EPB41L5: variants seen among roughly 807,000 people sequenced by gnomAD.
EPB41L5 encodes band 4.1-like protein 5.
A neutral mutation model predicts 106.6 loss-of-function variants in EPB41L5; 55 were observed. That is an observed-to-expected ratio of 0.52 (90% CI 0.42 to 0.65). The LOEUF (loss-of-function observed/expected upper bound fraction) is 0.65. Ranked by LOEUF, EPB41L5 falls within the 30% of genes least tolerant of loss-of-function variation. The probability of loss-of-function intolerance (pLI) is 0.00; values close to 1 mark genes in which losing one functional copy is unlikely to be tolerated. For synonymous variants in EPB41L5, 297 were observed against 306.7 expected (o/e 0.97, Z 0.33); for missense variants, 871 against 882.1 (o/e 0.99, Z 0.16).
intron 2 of EPB41L5, 137 bp downstream of exon 2, chr2:120,019,401 C>A: frequency 1.5e-6 from 1 of 673,580 alleles, no homozygotes; most frequent in Admixed American, 3.1e-5. Context: ...GGCACTGTAA[C>A]ATTCAGGTAC....
intron 21 of EPB41L5, among the ~76,000 whole-genome samples, chr2:120,163,980 C>CTT (rs70949387): frequency 7.3e-5 from 5 of 68,138 alleles, no homozygotes; most frequent in South Asian, 5.6e-4. Flanking sequence ...TTTGTATTTA[C>CTT]TTTTTTTTTT....
intron 2 of EPB41L5, among the ~76,000 whole-genome samples, chr2:120,025,764 A>C (rs912402137): frequency 4.6e-5 from 7 of 152,222 alleles, no homozygotes; most frequent in African/African-American, 2.4e-5. Flanking sequence ...CAGCTGACCT[A>C]TAGTTGTAGA....
intron 18 of EPB41L5, among the ~76,000 whole-genome samples, chr2:120,137,183 C>T (rs1685959900): frequency 6.6e-6 from 1 of 151,758 alleles, no homozygotes; most frequent in South Asian, 2.1e-4. Context: ...AAAATGGAAA[C>T]AAAACATACT....
chr2:120,089,270 A>G (rs1683255291), intron 11 of EPB41L5, among the ~76,000 whole-genome samples: 1 of 152,124 alleles, frequency 6.6e-6, no homozygotes, highest in South Asian at 2.1e-4. Context: ...CTTTTAGAGA[A>G]AGATAAATAC....
At chr2:120,104,461 A>T (rs1684332842) in intron 16 of EPB41L5, 1 of 1,297,954 alleles carries the variant, frequency 7.7e-7, no homozygotes, top group Non-Finnish European at 9.8e-7. Flanking sequence ...TGTGTTGAAA[A>T]GAGTGTGTAT....
chr2:120,166,225 G>A (rs1687400314), intron 22 of EPB41L5, among the ~76,000 whole-genome samples: 1 of 151,986 alleles, frequency 6.6e-6, no homozygotes, highest in Admixed American at 6.5e-5. Flanking sequence ...GGTCTGAAAA[G>A]TTGTGTTTCT....
chr2:120,103,985 A>G, intron 16 of EPB41L5: 1 of 1,425,252 alleles, frequency 7.0e-7, no homozygotes, highest in Non-Finnish European at 9.2e-7. Context: ...TTTCCCCTTT[A>G]TTGTCTCTTA....
chr2:120,152,666 T>C (rs1686729875), intron 20 of EPB41L5, among the ~76,000 whole-genome samples: 1 of 152,224 alleles, frequency 6.6e-6, no homozygotes, highest in African/African-American at 2.4e-5. Flanking sequence ...TTGGAAGAGA[T>C]TGAGAAGGAT....
intron 1 of EPB41L5, among the ~76,000 whole-genome samples, chr2:120,017,087 A>G (rs2105111495): frequency 6.6e-6 from 1 of 152,200 alleles, no homozygotes; most frequent in Non-Finnish European, 1.5e-5. Context: ...GGGTTTATAA[A>G]TAAATCTAGT....
chr2:120,113,226 A>T (rs1191225273), intron 16 of EPB41L5, among the ~76,000 whole-genome samples: 1 of 152,270 alleles, frequency 6.6e-6, no homozygotes, highest in South Asian at 2.1e-4. Flanking sequence ...AAAGCAACCA[A>T]ATCATGTATA....
chr2:120,055,481 ATTTTTT>A (rs34856540), intron 3 of EPB41L5, among the ~76,000 whole-genome samples: 8 of 85,552 alleles, frequency 9.4e-5, no homozygotes, highest in African/African-American at 2.9e-4. Flanking sequence ...TAGGTTTTTA[ATTTTTT>A]TTTTTTTTTT....
In EPB41L5 at chr2:120,090,531, C is replaced by T. The variant is rs768705905; in HGVS notation, c.1043+15C>T. ...TTTAGATATAGGTTAATTTTAATTG[C>T]TGTTTTATCTGTCTTTCATTGCATA... is the stretch of plus-strand genomic sequence containing the variant. On this transcript the variant is annotated intron_variant, in intron 12 of 24. Transcript: ENST00000263713. 6.9e-6 allele frequency: 11 copies of T among 1,601,608 alleles called. No individual in the cohort carries two copies. In the South Asian group the frequency reaches 1.0e-4, roughly 15 times the overall value.
intron 16 of EPB41L5, among the ~76,000 whole-genome samples, chr2:120,110,113 T>C (rs1479227046): frequency 6.6e-6 from 1 of 152,238 alleles, no homozygotes; most frequent in Non-Finnish European, 1.5e-5. Context: ...TCCACCAAAA[T>C]AGCTTTATTA....
At chr2:120,155,409 C>G (rs1315689464) in intron 20 of EPB41L5, among the ~76,000 whole-genome samples, 1 of 151,824 alleles carries the variant, frequency 6.6e-6, no homozygotes, top group African/African-American at 2.4e-5. Context: ...TGAGTCGTTT[C>G]TGTCTTGCAA....
chr2:120,050,112 C>A (rs1680122138), intron 3 of EPB41L5, among the ~76,000 whole-genome samples: 1 of 152,102 alleles, frequency 6.6e-6, no homozygotes, highest in African/African-American at 2.4e-5. Flanking sequence ...TCCTTCATTT[C>A]AACTTTGGTG....
chr2:120,013,472 C>G (rs1349178428), intron 1 of EPB41L5: 3 of 152,182 alleles, frequency 2.0e-5, no homozygotes, highest in Non-Finnish European at 4.4e-5. Context: ...GGCGGAGGGC[C>G]CGGGGCAGCC....
intron 3 of EPB41L5, among the ~76,000 whole-genome samples, chr2:120,047,452 GCTCT>G (rs1205456630): frequency 6.6e-6 from 1 of 151,782 alleles, no homozygotes; most frequent in African/African-American, 2.4e-5. Flanking sequence ...TCATGATTTG[GCTCT>G]CTGTTTGTCT....
intron 20 of EPB41L5, among the ~76,000 whole-genome samples, chr2:120,151,610 CTTTTTTTT>C (rs529496809): frequency 3.4e-5 from 4 of 116,816 alleles, no homozygotes; most frequent in Admixed American, 3.3e-4. Flanking sequence ...GCGTCTGGCC[CTTTTTTTT>C]TTTTTTTTTT....
intron 1 of EPB41L5, among the ~76,000 whole-genome samples, chr2:120,016,753 G>A (rs952204338): frequency 6.6e-6 from 1 of 151,980 alleles, no homozygotes; most frequent in Admixed American, 6.6e-5. Flanking sequence ...TATTGGTGGA[G>A]TTAAAAGGAA....
Sources: gnomAD v4.1 joint callset for allele counts (sites outside exome capture counted in the v4.1 genomes callset) on GRCh38, gnomAD v4.1.1 for gene constraint, MANE v1.5 for transcripts, NCBI Gene and HGNC (gene_info 2026-07-23, HGNC 2026-07-21) for gene names.